Variants in EMD observed in about 807,000 individuals in gnomAD.
EMD encodes the protein emerin.
EMD carries 2 observed loss-of-function variants against 15.2 expected under a neutral mutation model. That is an observed-to-expected ratio of 0.13 (90% CI 0.05 to 0.41). The LOEUF is 0.41. Ranked by LOEUF, EMD falls within the 10% of genes least tolerant of loss-of-function variation. The pLI is 0.99. For synonymous variants in EMD, 122 were observed against 86.2 expected (o/e 1.42, Z -2.30); for missense variants, 224 against 213.4 (o/e 1.05, Z -0.31).
rs1352834853 is a variant in EMD, at chrX:154,380,690, G to C, written c.400-63G>C. 8 of 1,198,740 alleles carry C rather than the reference G, an allele frequency of 6.7e-6. No individual in the cohort carries two copies. In the South Asian group the frequency reaches 1.1e-4, roughly 16 times the overall value. On this transcript the variant is annotated intron_variant, in intron 4 of 5. Transcript: ENST00000369842. Reference sequence around the variant, plus strand: ...GACTGGCTGGGGAAGTTTGGACTGAGGGACATGACAGGGCCATGGTGGCCC... The same window carrying C: ...GACTGGCTGGGGAAGTTTGGACTGACGGACATGACAGGGCCATGGTGGCCC...
rs1342773661 is a variant in EMD at position 154,379,345 on chromosome X, A to G, written c.-140A>G. The G allele has an allele frequency of 1.6e-5, 10 of 607,994 alleles. No homozygotes were observed. Among genetic ancestry groups the G allele is most frequent in the Non-Finnish European group, 2.2e-5 (9 of 406,999 alleles). 50.1% of individuals were successfully genotyped at this position (607,994 alleles called of 1,213,427 possible). On this transcript the variant is annotated 5_prime_UTR_variant, in exon 1 of 6. Coordinates refer to ENST00000369842, the MANE Select transcript of EMD (RefSeq NM_000117.3). ...GCGACAACGATTCGGCTGTGACGCG[A>G]CAACGATTCGGCTGTGACGCGAGCG... is the stretch of plus-strand genomic sequence containing the variant.
rs2067884357 is a variant in EMD at position 154,380,956 on chromosome X, G to A, written c.524G>A (p.Ser175Asn). The A allele has an allele frequency of 8.3e-7, 1 of 1,211,177 alleles. No individual in the cohort carries two copies. The highest frequency in any genetic ancestry group is 1.1e-6 in the Non-Finnish European group (1 of 895,387). The change falls in exon 6 of 6, where the codon AGC (serine) becomes AAC (asparagine). Residue 175 changes from serine to asparagine, a missense_variant. Ser to Asn is a conservative substitution (Grantham distance 46, BLOSUM62 1). Transcript: ENST00000369842. ...THYRPVSASRSSLDLSYYPTS... is the reference protein window; with the variant it reads ...THYRPVSASRNSLDLSYYPTS... ...TACCGCCCTGTTTCAGCCTCCAGGA[G>A]CTCCCTGGACCTGTCCTATTATCCT...
Position 154,379,817 on chromosome X carries a change from C to A in EMD, c.187+23C>A, listed in dbSNP as rs1421980741. ...CTGGTGAGAGCCTCGCCTGTGGGGA[C>A]AGCCTGGGACGCGGGGAGGATGGGG... On this transcript the variant is annotated intron_variant, in intron 2 of 5. Transcript: ENST00000369842. 3 of 1,187,031 alleles carry A rather than the reference C, an allele frequency of 2.5e-6. No homozygotes were observed. The African/African-American group carries it at 5.3e-5, about 21-fold the overall frequency.
At chrX:154,379,664 G>C in intron 1 of EMD, 26 bp from the exon 2 acceptor site, 1 of 1,204,131 alleles carries the variant, frequency 8.3e-7, no homozygotes, top group Non-Finnish European at 1.1e-6. Flanking sequence ...CCGGCCCGCG[G>C]CCCTGACCGC....
chrX:154,380,158 G>T (rs1328052585), intron 3 of EMD, 76 bp from the exon 4 acceptor site: 2 of 1,204,679 alleles, frequency 1.7e-6, no homozygotes, highest in Non-Finnish European at 2.2e-6. Flanking sequence ...GTCCCGAAAT[G>T]GGATTCAGAT....
chrX:154,381,035 C>T lies in EMD; in HGVS notation c.603C>T (p.Leu201=), dbSNP rs1557182663. The T allele has an allele frequency of 1.2e-5, 14 of 1,210,572 alleles. No individual in the cohort carries two copies. The highest frequency in any genetic ancestry group is 1.6e-5 in the Non-Finnish European group (14 of 895,267). ...CCTCATCATCTTCCTCTTCATGGCT[C>T]ACCCGCCGTGCCATCCGGCCTGAAA... is the stretch of plus-strand genomic sequence containing the variant. The part of the protein sequence containing the change: ...MSSSSSSSSW[L]TRRAIRPENR... Residue 201 remains leucine (L), a synonymous_variant, in exon 6 of 6, where the codon CTC becomes CTT. Transcript: ENST00000369842.
In EMD at chrX:154,381,216, G is replaced by T. The variant is rs1557182742; in HGVS notation, c.*19G>T. 1 of 1,205,369 alleles carries T rather than the reference G, an allele frequency of 8.3e-7. No homozygotes were observed. The highest frequency in any genetic ancestry group is 3.0e-5 in the East Asian group (1 of 33,628). On this transcript the variant is annotated 3_prime_UTR_variant, in exon 6 of 6. Transcript: ENST00000369842. ...CTTCTAGAGGGAGCCATGAGGGTCT[G>T]GGCTTCAGAGCTAGGTCTTTGGGGA...
At position 154,380,225 on chromosome X, in the gene EMD, C is replaced by A. The variant is rs782152177; in HGVS notation, c.266-9C>A. Reference sequence around the variant, plus strand: ...TGCCCCCTCTGCTACCGCTGCCCCCCTTCCCAAGGCTACAATGACGACTAC... The same window carrying A: ...TGCCCCCTCTGCTACCGCTGCCCCCATTCCCAAGGCTACAATGACGACTAC... On this transcript the variant is annotated splice_polypyrimidine_tract_variant and intron_variant, in intron 3 of 5. Coordinates refer to ENST00000369842, the MANE Select transcript of EMD (RefSeq NM_000117.3). The A allele has an allele frequency of 8.3e-7, 1 of 1,207,370 alleles. No homozygotes were observed. Among genetic ancestry groups the A allele is most frequent in the African/African-American group, 1.7e-5 (1 of 57,310 alleles).
chrX:154,380,961 C>T lies in EMD; in HGVS notation c.529C>T (p.Leu177=). ...CCCTGTTTCAGCCTCCAGGAGCTCC[C>T]TGGACCTGTCCTATTATCCTACTTC... The part of the protein sequence containing the change: ...YRPVSASRSS[L]DLSYYPTSSS... The change falls in exon 6 of 6, where the codon CTG becomes TTG. Residue 177 remains leucine (L), a synonymous_variant. Transcript: ENST00000369842. The T allele has an allele frequency of 1.7e-6, 2 of 1,211,491 alleles. No homozygotes were observed. Among genetic ancestry groups the T allele is most frequent in the Non-Finnish European group, 2.2e-6 (2 of 895,453 alleles).
Position 154,379,944 on chromosome X carries a change from T to G in EMD, c.190T>G (p.Leu64Val). Residue 64 changes from leucine (L) to valine (V), a missense_variant and splice_region_variant, in exon 3 of 6, where the codon TTG becomes GTG. Transcript: ENST00000369842. ...SAASSYSFSD[L>V]NSTRGDADMY... ...TCTGTCTCCTCCTTTCAATCCAGAC[T>G]TGAATTCGACTAGAGGGGATGCAGA... 8.3e-7 allele frequency: 1 copy of G among 1,210,723 alleles called. No homozygotes were observed. The highest frequency in any genetic ancestry group is 1.1e-6 in the Non-Finnish European group (1 of 894,743).
rs1557182196 is a variant in EMD at position 154,379,527 on chromosome X, T to C, written c.43T>C (p.Leu15=). The change falls in exon 1 of 6, where the codon TTG becomes CTG. Residue 15 remains leucine (L), a synonymous_variant. Coordinates refer to ENST00000369842, the MANE Select transcript of EMD (RefSeq NM_000117.3). ...TCTTTCGGATACCGAGCTGACCACC[T>C]TGCTGCGCCGGTACAACATCCCGCA... ...ADLSDTELTT[L]LRRYNIPHGP... The C allele has an allele frequency of 8.5e-7, 1 of 1,169,666 alleles. No individual in the cohort carries two copies. Among genetic ancestry groups the C allele is most frequent in the Non-Finnish European group, 1.1e-6 (1 of 874,188 alleles).
rs1557182687 is a variant in EMD at position 154,381,102 on chromosome X, C to G, written c.670C>G (p.Pro224Ala). 1 of 1,212,122 alleles carries G rather than the reference C, an allele frequency of 8.2e-7. No homozygotes were observed. The highest frequency in any genetic ancestry group is 1.1e-6 in the Non-Finnish European group (1 of 895,504). The change falls in exon 6 of 6, where the codon CCG becomes GCG. Residue 224 changes from proline to alanine, a missense_variant. Physicochemically the swap from Pro to Ala is conservative, Grantham distance 27 (BLOSUM62 -1). Coordinates refer to ENST00000369842, the MANE Select transcript of EMD (RefSeq NM_000117.3). ...GAGLGQDRQV[P>A]LWGQLLLFLV... ...TGGGCTGGGCCAGGATCGCCAGGTCCCGCTCTGGGGCCAGCTGCTGCTTTT... is the reference window on the plus strand; with the variant it reads ...TGGGCTGGGCCAGGATCGCCAGGTCGCGCTCTGGGGCCAGCTGCTGCTTTT...
Position 154,379,321 on chromosome X carries a change from C to T in EMD, c.-164C>T. 1.9e-6 allele frequency: 1 copy of T among 514,481 alleles called. No homozygotes were observed. The highest frequency in any genetic ancestry group is 3.0e-6 in the Non-Finnish European group (1 of 334,175). The allele number at this position is 514,481 out of a possible 1,213,427, so 42.4% of individuals were successfully genotyped here. A position where few individuals can be genotyped will look rare whatever the true frequency, so the allele number is the denominator to read the frequency against. ...GCCTGCGGAGCCAGCGGCCGTGACG[C>T]GACAACGATTCGGCTGTGACGCGAC... On this transcript the variant is annotated 5_prime_UTR_variant, in exon 1 of 6. Transcript: ENST00000369842.
In EMD at chrX:154,381,054, C is replaced by T. The variant is rs1169279026; in HGVS notation, c.622C>T (p.Pro208Ser). ...ATGGCTCACCCGCCGTGCCATCCGG[C>T]CTGAAAACCGTGCTCCTGGGGCTGG... ...SSWLTRRAIR[P>S]ENRAPGAGLG... The change falls in exon 6 of 6, where the codon CCT (proline) becomes TCT (serine). Residue 208 changes from proline (P) to serine (S), a missense_variant. Transcript: ENST00000369842. 1 of 1,210,892 alleles carries T rather than the reference C, an allele frequency of 8.3e-7. No homozygotes were observed. The highest frequency in any genetic ancestry group is 3.0e-5 in the East Asian group (1 of 33,810).
Position 154,379,935 on chromosome X carries a change from A to G in EMD, c.188-7A>G, listed in dbSNP as rs2148128296. Reference sequence around the variant, plus strand: ...GCAAACAGTTCTGTCTCCTCCTTTCAATCCAGACTTGAATTCGACTAGAGG... The same window carrying G: ...GCAAACAGTTCTGTCTCCTCCTTTCGATCCAGACTTGAATTCGACTAGAGG... On this transcript the variant is annotated splice_polypyrimidine_tract_variant and splice_region_variant and intron_variant, in intron 2 of 5. Coordinates refer to ENST00000369842, the MANE Select transcript of EMD (RefSeq NM_000117.3). 1.7e-6 allele frequency: 2 copies of G among 1,209,581 alleles called. No homozygotes were observed. The highest frequency in any genetic ancestry group is 2.2e-6 in the Non-Finnish European group (2 of 893,876).
rs369266985 is a variant in EMD at position 154,381,224 on chromosome X, G to C, written c.*27G>C. On this transcript the variant is annotated 3_prime_UTR_variant, in exon 6 of 6. Coordinates refer to ENST00000369842, the MANE Select transcript of EMD (RefSeq NM_000117.3). ...GGGAGCCATGAGGGTCTGGGCTTCAGAGCTAGGTCTTTGGGGAAGTCCTGG... is the reference window on the plus strand; with the variant it reads ...GGGAGCCATGAGGGTCTGGGCTTCACAGCTAGGTCTTTGGGGAAGTCCTGG... The C allele has an allele frequency of 9.4e-7, 1 of 1,060,838 alleles. No individual in the cohort carries two copies. 87.4% of individuals were successfully genotyped at this position (1,060,838 alleles called of 1,213,427 possible).
chrX:154,379,591 T>A, intron 1 of EMD, 25 bp downstream of exon 1: 1 of 1,173,781 alleles, frequency 8.5e-7, no homozygotes, highest in Admixed American at 2.5e-5. Context: ...GCGGGACCCC[T>A]TCCGGGCCCC....
rs782208090 is a variant in EMD, at chrX:154,381,160, A to C, written c.728A>C (p.Tyr243Ser). The change falls in exon 6 of 6, where the codon TAC (tyrosine) becomes TCC (serine). Residue 243 changes from tyrosine (Y) to serine (S), a missense_variant. Physicochemically the swap from Tyr to Ser is moderately radical, Grantham distance 144. Coordinates refer to ENST00000369842, the MANE Select transcript of EMD (RefSeq NM_000117.3). ...TTTGTGATCGTCCTCTTCTTCATTT[A>C]CCACTTCATGCAGGCTGAAGAAGGC... ...LVFVIVLFFI[Y>S]HFMQAEEGNP... 1 of 1,208,938 alleles carries C rather than the reference A, an allele frequency of 8.3e-7. No homozygotes were observed. Among genetic ancestry groups the C allele is most frequent in the Non-Finnish European group, 1.1e-6 (1 of 895,083 alleles).
In EMD at chrX:154,380,542, C is replaced by T. The variant is rs186596313; in HGVS notation, c.399+175C>T. 4 of 900,254 alleles carry T rather than the reference C, an allele frequency of 4.4e-6. No homozygotes were observed. The Admixed American group carries it at 1.1e-4, about 24-fold the overall frequency. The allele number at this position is 900,254 out of a possible 1,213,427, so 74.2% of individuals were successfully genotyped here. ...TAGGCTCAGACTCTTCCTGAGAGTC[C>T]TGGGGGCAAAAGGGGATGCTGGGGC... On this transcript the variant is annotated intron_variant, in intron 4 of 5. Coordinates refer to ENST00000369842, the MANE Select transcript of EMD (RefSeq NM_000117.3).
Sources: gnomAD v4.1 joint callset for allele counts on GRCh38, gnomAD v4.1.1 for gene constraint, MANE v1.5 for transcripts, NCBI Gene and HGNC (gene_info 2026-07-23, HGNC 2026-07-21) for gene names.